Variants in GPATCH2 observed in about 807,000 individuals in gnomAD.
The protein encoded by GPATCH2 is G patch domain-containing protein 2.
In GPATCH2, 51 loss-of-function variants were observed where a neutral mutation model predicts 58.0. The ratio of observed to expected loss-of-function variants is 0.88; its 90% CI spans 0.70 to 1.11. The LOEUF is 1.11. Among genes scored for constraint, GPATCH2 ranks in the 50% most tolerant of loss-of-function variants. GPATCH2 has a pLI of 0.00. For synonymous variants in GPATCH2, 222 were observed against 218.5 expected (o/e 1.02, Z -0.14); for missense variants, 625 against 652.2 (o/e 0.96, Z 0.45).
intron 5 of GPATCH2, among the ~76,000 whole-genome samples, chr1:217,588,866 C>T (rs1454187406): frequency 6.6e-6 from 1 of 152,214 alleles, no homozygotes; most frequent in Non-Finnish European, 1.5e-5. Context: ...AAATATCCCA[C>T]TATTCCACTA....
intron 8 of GPATCH2, among the ~76,000 whole-genome samples, chr1:217,484,067 AACCAACATACC>A (rs1185581900): frequency 3.3e-5 from 5 of 152,262 alleles, no homozygotes; most frequent in African/African-American, 1.2e-4. Flanking sequence ...GGTTACTTTT[AACCAACATACC>A]AAGTCAATTT....
In GPATCH2 at chr1:217,595,488, T is replaced by A. The variant is rs563940097; in HGVS notation, c.1098+14833A>T. On this transcript the variant is annotated intron_variant, in intron 5 of 9. Transcript: ENST00000366935. ...CAGAACTGGAGTTCAGAGATCTAACTGTGATATTTTCTTTTTTTCTTTTTT... is the reference window on the plus strand; with the variant it reads ...CAGAACTGGAGTTCAGAGATCTAACAGTGATATTTTCTTTTTTTCTTTTTT... 8.6e-5 allele frequency among the ~76,000 whole-genome samples: 13 copies of A among 151,596 alleles called. No individual in the cohort carries two copies. The South Asian group carries it at 2.7e-3, about 32-fold the overall frequency.
chr1:217,532,779 T>G (rs1664255964), intron 5 of GPATCH2, among the ~76,000 whole-genome samples: 1 of 151,832 alleles, frequency 6.6e-6, no homozygotes, highest in South Asian at 2.1e-4. Flanking sequence ...AGGAGTAGGA[T>G]GGAAGTCTGT....
chr1:217,522,541 C>A (rs1232081941), intron 5 of GPATCH2, among the ~76,000 whole-genome samples: 1 of 152,096 alleles, frequency 6.6e-6, no homozygotes, highest in Non-Finnish European at 1.5e-5. Flanking sequence ...TTATGAGCAT[C>A]AAGAAAGTAA....
At chr1:217,511,653 A>G (rs1662855839) in intron 6 of GPATCH2, among the ~76,000 whole-genome samples, 1 of 152,206 alleles carries the variant, frequency 6.6e-6, no homozygotes, top group Non-Finnish European at 1.5e-5. Flanking sequence ...GATACTGGCC[A>G]TATACCTTCT....
intron 5 of GPATCH2, among the ~76,000 whole-genome samples, chr1:217,553,527 G>T (rs930987804): frequency 1.3e-5 from 2 of 151,952 alleles, no homozygotes; most frequent in Non-Finnish European, 2.9e-5. Flanking sequence ...GTAAGAATAT[G>T]TATACTAGAT....
chr1:217,510,133 AT>A (rs1339437184), intron 6 of GPATCH2, among the ~76,000 whole-genome samples: 1 of 152,172 alleles, frequency 6.6e-6, no homozygotes, highest in Non-Finnish European at 1.5e-5. Context: ...GGTCTTTACC[AT>A]TTTTGAATAT....
chr1:217,450,145 AG>A (rs1381241330), intron 8 of GPATCH2, among the ~76,000 whole-genome samples: 1 of 152,178 alleles, frequency 6.6e-6, no homozygotes, highest in Non-Finnish European at 1.5e-5. Flanking sequence ...TTCAAGCTAT[AG>A]AAAGATTCTG....
intron 5 of GPATCH2, among the ~76,000 whole-genome samples, chr1:217,529,930 A>C (rs1664105693): frequency 6.6e-6 from 1 of 152,262 alleles, no homozygotes; most frequent in South Asian, 2.1e-4. Flanking sequence ...CAATGTATCC[A>C]CAAGTAGTAA....
At chr1:217,499,506 AC>A (rs1403247934) in intron 6 of GPATCH2, among the ~76,000 whole-genome samples, 1 of 152,188 alleles carries the variant, frequency 6.6e-6, no homozygotes, top group Non-Finnish European at 1.5e-5. Flanking sequence ...CCAGGAACAA[AC>A]AGCCTCTACA....
chr1:217,610,209 TA>T (rs1202953887), intron 5 of GPATCH2, 111 bp downstream of exon 5: 1 of 1,583,320 alleles, frequency 6.3e-7, no homozygotes. Flanking sequence ...AAAAATGGAT[TA>T]TTTTTAAGTT....
chr1:217,496,501 G>A (rs1034854727), intron 7 of GPATCH2, among the ~76,000 whole-genome samples: 8 of 152,076 alleles, frequency 5.3e-5, no homozygotes, highest in Non-Finnish European at 1.0e-4. Flanking sequence ...TGGTGACTTC[G>A]CTATTTAAAA....
At chr1:217,610,259 T>A in intron 5 of GPATCH2, 62 bp downstream of exon 5, 1 of 1,502,352 alleles carries the variant, frequency 6.7e-7, no homozygotes, top group South Asian at 1.1e-5. Flanking sequence ...GATGTGGCTT[T>A]TTATTCCATA....
chr1:217,529,791 G>A (rs1664099957), intron 5 of GPATCH2, among the ~76,000 whole-genome samples: 1 of 152,104 alleles, frequency 6.6e-6, no homozygotes. Context: ...AGTAAATAAA[G>A]AAGGTATATT....
At position 217,449,334 on chromosome 1, in the gene GPATCH2, T is replaced by C. The variant is rs1434495877; in HGVS notation, c.1281A>G (p.Gln427=). The change falls in exon 9 of 10, where the codon CAA becomes CAG. Residue 427 remains glutamine (Q), a synonymous_variant. Transcript: ENST00000366935. ...ATAAGGATCCTAAATGCATGCTTGT[T>C]TGCCTACGAATAATTATCAGAAAAA... The part of the protein sequence containing the change: ...KNCSVRTASR[Q]TSMHLGSLCT... The C allele has an allele frequency of 6.3e-7, 1 of 1,575,416 alleles. No individual in the cohort carries two copies. The highest frequency in any genetic ancestry group is 1.1e-5 in the South Asian group (1 of 90,216).
intron 7 of GPATCH2, among the ~76,000 whole-genome samples, chr1:217,495,418 A>C (rs919130952): frequency 6.6e-6 from 1 of 152,218 alleles, no homozygotes; most frequent in African/African-American, 2.4e-5. Context: ...AAATGTCTGC[A>C]AAATAATTTC....
rs544261512 is a variant in GPATCH2 at position 217,477,910 on chromosome 1, A to G, written c.1277+13770T>C. 5.9e-5 allele frequency among the ~76,000 whole-genome samples: 9 copies of G among 152,208 alleles called. No individual in the cohort carries two copies. In the East Asian group the frequency reaches 1.5e-3, roughly 26 times the overall value. On this transcript the variant is annotated intron_variant, in intron 8 of 9. Transcript: ENST00000366935. ...AGCCCTTCTGGTGGTGTTCAAGGAG[A>G]TGCTTGTGTCACTCTATTGCTAGCT...
At chr1:217,438,924 G>A (rs1658989937) in intron 9 of GPATCH2, among the ~76,000 whole-genome samples, 1 of 152,132 alleles carries the variant, frequency 6.6e-6, no homozygotes, top group South Asian at 2.1e-4. Flanking sequence ...ATAATAGTGG[G>A]AGATTTAACA....
intron 8 of GPATCH2, among the ~76,000 whole-genome samples, chr1:217,454,074 A>C (rs1253747224): frequency 6.6e-6 from 1 of 152,140 alleles, no homozygotes; most frequent in Non-Finnish European, 1.5e-5. Flanking sequence ...GGCAGAGATA[A>C]GGATGGGGGT....
Sources: gnomAD v4.1 joint callset for allele counts (sites outside exome capture counted in the v4.1 genomes callset) on GRCh38, gnomAD v4.1.1 for gene constraint, MANE v1.5 for transcripts, NCBI Gene and HGNC (gene_info 2026-07-23, HGNC 2026-07-21) for gene names.